The following SLC25A13 variants were observed in gnomAD, a reference collection of about 807,000 sequenced individuals.
The protein encoded by SLC25A13 is electrogenic aspartate/glutamate antiporter SLC25A13, mitochondrial.
Under a neutral mutation model 85.5 loss-of-function variants are expected in SLC25A13, and 70 were observed. The observed-to-expected ratio is 0.82, with a 90% CI of 0.68 to 1.00. The LOEUF (loss-of-function observed/expected upper bound fraction) is 1.00, where lower values mean the gene tolerates loss of function less well. SLC25A13 is among the 50% of genes least tolerant of loss of function. The probability of loss-of-function intolerance (pLI) is 0.00; values close to 1 mark genes in which losing one functional copy is unlikely to be tolerated. For missense variants in SLC25A13, 765 were observed against 819.8 expected (o/e 0.93, Z 0.82); for synonymous variants, 259 against 288.7 (o/e 0.90, Z 1.04).
chr7:96,244,361 A>G (rs1797104308), intron 3 of SLC25A13, among the ~76,000 whole-genome samples: 2 of 152,340 alleles, frequency 1.3e-5, no homozygotes, highest in South Asian at 4.1e-4. Flanking sequence ...ATGGTCAGCA[A>G]GCACACAAAC....
chr7:96,251,401 T>C (rs1039501762), intron 3 of SLC25A13, among the ~76,000 whole-genome samples: 5 of 152,152 alleles, frequency 3.3e-5, no homozygotes, highest in Admixed American at 3.3e-4. Flanking sequence ...GAGAGTGACA[T>C]AATCCAACTC....
chr7:96,182,331 A>T (rs546887449), intron 11 of SLC25A13, among the ~76,000 whole-genome samples: 3 of 152,358 alleles, frequency 2.0e-5, no homozygotes, highest in Non-Finnish European at 4.4e-5. Flanking sequence ...ACCAGAAAAG[A>T]TATCAGGAAG....
intron 4 of SLC25A13, among the ~76,000 whole-genome samples, chr7:96,229,677 C>T (rs1195320151): frequency 2.0e-5 from 3 of 151,618 alleles, no homozygotes; most frequent in African/African-American, 2.4e-5. Flanking sequence ...CAACTCTGGA[C>T]GGGAGGAATG....
intron 2 of SLC25A13, among the ~76,000 whole-genome samples, chr7:96,282,797 T>C (rs1410656882): frequency 1.3e-5 from 2 of 152,222 alleles, no homozygotes; most frequent in Non-Finnish European, 2.9e-5. Flanking sequence ...TTTCTGTATG[T>C]CTGAAAATTG....
chr7:96,260,663 A>G (rs1797820504), intron 3 of SLC25A13, among the ~76,000 whole-genome samples: 1 of 152,066 alleles, frequency 6.6e-6, no homozygotes, highest in African/African-American at 2.4e-5. Flanking sequence ...CTCTTCCCCC[A>G]ACATTCCCTA....
At chr7:96,268,856 C>G (rs1450224242) in intron 3 of SLC25A13, among the ~76,000 whole-genome samples, 1 of 152,152 alleles carries the variant, frequency 6.6e-6, no homozygotes, top group Non-Finnish European at 1.5e-5. Context: ...AACACAGGAC[C>G]TTTACAACTG....
In SLC25A13 at chr7:96,184,421, C is replaced by A. The variant is rs1181103496; in HGVS notation, c.1033G>T (p.Ala345Ser). ...GSVAGAVGAT[A>S]VYPIDLVKTR... ...TTTACAAGATCGATAGGATACACAG[C>A]AGTGGCTCCAACAGCTAAAATTAAA... is the stretch of plus-strand genomic sequence containing the variant. Residue 345 changes from alanine to serine, a missense_variant, in exon 11 of 18, where the codon GCT becomes TCT. Coordinates refer to ENST00000265631, the MANE Select transcript of SLC25A13 (RefSeq NM_014251.3). 2 of 1,614,006 alleles carry A rather than the reference C, an allele frequency of 1.2e-6. No homozygotes were observed. The highest frequency in any genetic ancestry group is 1.3e-5 in the African/African-American group (1 of 74,942).
At chr7:96,213,205 G>A (rs536770443) in intron 4 of SLC25A13, among the ~76,000 whole-genome samples, 4 of 152,280 alleles carry the variant, frequency 2.6e-5, no homozygotes, top group South Asian at 2.1e-4. Context: ...CTCATGAATA[G>A]AAACATCTAT....
intron 4 of SLC25A13, among the ~76,000 whole-genome samples, chr7:96,231,770 T>A (rs955861908): frequency 6.6e-6 from 1 of 150,966 alleles, no homozygotes; most frequent in African/African-American, 2.4e-5. Flanking sequence ...CATGAACAGA[T>A]ATTTTCAAAA....
intron 3 of SLC25A13, among the ~76,000 whole-genome samples, chr7:96,242,482 C>T (rs189763876): frequency 2.0e-4 from 31 of 152,306 alleles, no homozygotes; most frequent in Admixed American, 6.5e-4. Context: ...AGGCACTCTT[C>T]AAATTTAACC....
At chr7:96,272,813 T>C (rs1038688370) in intron 3 of SLC25A13, among the ~76,000 whole-genome samples, 1 of 152,180 alleles carries the variant, frequency 6.6e-6, no homozygotes, top group African/African-American at 2.4e-5. Context: ...CCAAGGAATG[T>C]TGGACAATAT....
rs184671640 is a variant in SLC25A13 at position 96,318,558 on chromosome 7, C to T, written c.15+3384G>A. Among the ~76,000 whole-genome samples the T allele has an allele frequency of 2.9e-3, 435 of 152,110 alleles. 6 individuals are homozygous for T. The highest frequency in any genetic ancestry group is 0.014 in the Middle Eastern group (4 of 294). On this transcript the variant is annotated intron_variant, in intron 1 of 17. Transcript: ENST00000265631. Reference sequence around the variant, plus strand: ...AGAGTTTTAGATTAATGTTCATTCACGAAAGAAAACAAACACTTCTTGAAC... The same window carrying T: ...AGAGTTTTAGATTAATGTTCATTCATGAAAGAAAACAAACACTTCTTGAAC...
chr7:96,276,424 C>A (rs1285877695), intron 3 of SLC25A13, among the ~76,000 whole-genome samples: 2 of 152,116 alleles, frequency 1.3e-5, no homozygotes, highest in Non-Finnish European at 2.9e-5. Context: ...GAGTTTGAGA[C>A]CAGCCTGGGC....
intron 3 of SLC25A13, among the ~76,000 whole-genome samples, chr7:96,248,255 T>C (rs1274486171): frequency 2.0e-5 from 3 of 151,958 alleles, no homozygotes; most frequent in Non-Finnish European, 4.4e-5. Context: ...AAAAAGAAAA[T>C]GAATCATCAA....
chr7:96,241,923 C>T (rs1260416820), intron 3 of SLC25A13, among the ~76,000 whole-genome samples: 1 of 152,104 alleles, frequency 6.6e-6, no homozygotes, highest in Non-Finnish European at 1.5e-5. Flanking sequence ...AGGCTTAGAC[C>T]CCATGTGATC....
At chr7:96,232,571 C>T (rs564801615) in intron 4 of SLC25A13, among the ~76,000 whole-genome samples, 1 of 145,466 alleles carries the variant, frequency 6.9e-6, no homozygotes, top group Non-Finnish European at 1.5e-5. Flanking sequence ...AGTAAACCTG[C>T]ACATGTACCC....
chr7:96,128,031 CAA>C (rs1448706783), intron 15 of SLC25A13, among the ~76,000 whole-genome samples: 2 of 152,182 alleles, frequency 1.3e-5, no homozygotes, highest in Admixed American at 6.5e-5. Flanking sequence ...ACACTTCTGA[CAA>C]AAGTCTTGCC....
At chr7:96,194,936 G>T (rs1353993949) in intron 5 of SLC25A13, among the ~76,000 whole-genome samples, 1 of 152,090 alleles carries the variant, frequency 6.6e-6, no homozygotes, top group Admixed American at 6.5e-5. Context: ...CTCTCTTCTG[G>T]GATCCCAGTC....
At chr7:96,204,990 C>A (rs1795403940) in intron 5 of SLC25A13, among the ~76,000 whole-genome samples, 1 of 152,156 alleles carries the variant, frequency 6.6e-6, no homozygotes, top group South Asian at 2.1e-4. Flanking sequence ...CTCACTGCAA[C>A]CTCTGCCTCC....
Sources: gnomAD v4.1 joint callset for allele counts (sites outside exome capture counted in the v4.1 genomes callset) on GRCh38, gnomAD v4.1.1 for gene constraint, MANE v1.5 for transcripts, NCBI Gene and HGNC (gene_info 2026-07-23, HGNC 2026-07-21) for gene names.